Variants in PHF12 observed in about 807,000 individuals in gnomAD.
PHF12 encodes the protein PHD finger protein 12.
PHF12 carries 6 observed loss-of-function variants against 99.8 expected under a neutral mutation model. The observed-to-expected ratio is 0.06, with a 90% CI of 0.03 to 0.12. The LOEUF is 0.12. PHF12 is among the 10% of genes least tolerant of loss of function. The probability of loss-of-function intolerance (pLI) is 1.00; values close to 1 mark genes in which losing one functional copy is unlikely to be tolerated. For missense variants in PHF12, 954 were observed against 1,300.1 expected, an observed-to-expected ratio of 0.73 and a Z score of 4.09; for synonymous variants, 480 against 514.9, an observed-to-expected ratio of 0.93 and a Z score of 0.92.
Position 28,911,157 on chromosome 17 carries a change from C to T in PHF12, c.2170G>A (p.Val724Met), listed in dbSNP as rs745606155. The T allele has an allele frequency of 1.2e-6, 2 of 1,614,188 alleles. No homozygotes were observed. The highest frequency in any genetic ancestry group is 1.7e-6 in the Non-Finnish European group (2 of 1,180,028). Reference sequence around the variant, plus strand: ...GCTCGAAGTGAGTTGGTGAGGTCCACCATGGCAGTAGAGTTGGCTGGGAAA... The same window carrying T: ...GCTCGAAGTGAGTTGGTGAGGTCCATCATGGCAGTAGAGTTGGCTGGGAAA... ...PSFPANSTAM[V>M]DLTNSLRAFM... is the part of the protein sequence containing the mutation. Residue 724 changes from valine to methionine, a missense_variant, in exon 10 of 15, where the codon GTG becomes ATG. Transcript: ENST00000332830.
chr17:28,917,741 C>A (rs1280134099), intron 6 of PHF12, among the ~76,000 whole-genome samples: 1 of 152,216 alleles, frequency 6.6e-6, no homozygotes, highest in Non-Finnish European at 1.5e-5. Flanking sequence ...CGGCCTCTGA[C>A]AGTCTTCTGT....
chr17:28,907,747 C>G lies in PHF12; in HGVS notation c.2459-75G>C, dbSNP rs1036196250. 6 of 1,430,458 alleles carry G rather than the reference C, an allele frequency of 4.2e-6. No individual in the cohort carries two copies. In the African/African-American group the frequency reaches 8.4e-5, roughly 20 times the overall value. 88.6% of individuals were successfully genotyped at this position (1,430,458 alleles called of 1,614,324 possible). A position where few individuals can be genotyped will look rare whatever the true frequency, so the allele number is the denominator to read the frequency against. On this transcript the variant is annotated intron_variant, in intron 12 of 14. Transcript: ENST00000332830. Reference sequence around the variant, plus strand: ...AGGTGCATGTGTCGGGGAGGTAAGACAGGGAGAGAGTTAGCTTCTGGGTTG... The same window carrying G: ...AGGTGCATGTGTCGGGGAGGTAAGAGAGGGAGAGAGTTAGCTTCTGGGTTG...
Position 28,936,550 on chromosome 17 carries a change from T to C in PHF12, c.249-9487A>G, listed in dbSNP as rs545845923. On this transcript the variant is annotated intron_variant, in intron 2 of 14. Coordinates refer to ENST00000332830, the MANE Select transcript of PHF12 (RefSeq NM_001033561.2). ...TCTCTTCCAAAAGAGGTCAGTCACA[T>C]GAACTGGTAGGGTCTTTCTTGTCAG... is the stretch of plus-strand genomic sequence containing the variant. Among the ~76,000 whole-genome samples, 154 of 152,336 alleles carry C rather than the reference T, an allele frequency of 1.0e-3. 1 individual carries two copies. The highest frequency in any genetic ancestry group is 1.5e-3 in the Non-Finnish European group (103 of 68,018).
In PHF12 at chr17:28,906,222, G is replaced by A. The variant is rs1475864484; in HGVS notation, c.2976C>T (p.Pro992=). The part of the protein sequence containing the change: ...GVLAEKLSLK[P]HQGPVLRSNS... ...TGGAGCGCAGCACAGGGCCCTGGTGGGGCTTGAGAGAGAGCTTCTCGGCCA... is the reference window on the plus strand; with the variant it reads ...TGGAGCGCAGCACAGGGCCCTGGTGAGGCTTGAGAGAGAGCTTCTCGGCCA... The change falls in exon 15 of 15, where the codon CCC becomes CCT. Residue 992 remains proline, a synonymous_variant. Transcript: ENST00000332830. This position sits in a 1 kb window ranked among gnomAD's most constrained non-coding sequence, Gnocchi z 4.2. 1 of 1,610,394 alleles carries A rather than the reference G, an allele frequency of 6.2e-7. No individual in the cohort carries two copies. Among genetic ancestry groups the A allele is most frequent in the East Asian group, 2.2e-5 (1 of 44,778 alleles).
At chr17:28,938,263 C>T (rs1289997055) in intron 2 of PHF12, among the ~76,000 whole-genome samples, 1 of 152,138 alleles carries the variant, frequency 6.6e-6, no homozygotes, top group Non-Finnish European at 1.5e-5. Context: ...TGGAGTCTCA[C>T]TCTGTCATCC....
At chr17:28,942,817 A>C (rs1187793391) in intron 2 of PHF12, among the ~76,000 whole-genome samples, 1 of 151,996 alleles carries the variant, frequency 6.6e-6, no homozygotes, top group Non-Finnish European at 1.5e-5. Flanking sequence ...CTCTGTCCCA[A>C]AAAAATAATA....
chr17:28,939,440 A>G (rs1263559423), intron 2 of PHF12, among the ~76,000 whole-genome samples: 6 of 152,250 alleles, frequency 3.9e-5, no homozygotes, highest in Admixed American at 3.9e-4. Context: ...TCACAATTAT[A>G]ATGTATTCTG....
At chr17:28,938,939 T>C (rs1252419585) in intron 2 of PHF12, among the ~76,000 whole-genome samples, 1 of 152,246 alleles carries the variant, frequency 6.6e-6, no homozygotes, top group African/African-American at 2.4e-5. Context: ...AACCAAAGAA[T>C]GATCACCCTA....
In PHF12 at chr17:28,912,954, C is replaced by G; in HGVS notation, c.1617G>C (p.Gly539=). The part of the protein sequence containing the change: ...SKKTPCGTAN[G]PVNTEVKANG... ...TAGCTTTCACCTCTGTGTTCACTGG[C>G]CCATTGGCAGTCCCACAAGGGGTTT... The change falls in exon 9 of 15, where the codon GGG becomes GGC. Residue 539 remains glycine (G), a synonymous_variant. Transcript: ENST00000332830. 6.2e-7 allele frequency: 1 copy of G among 1,614,216 alleles called. No homozygotes were observed.
chr17:28,906,947 C>G lies in PHF12; in HGVS notation c.2589G>C (p.Thr863=). Residue 863 remains threonine (T), a synonymous_variant, in exon 14 of 15, where the codon ACG becomes ACC. Transcript: ENST00000332830. The surrounding 1 kb of genome is among the most constrained non-coding windows in gnomAD (Gnocchi z 4.2). ...CACATGAATACAGCACATTGTCCAC[C>G]GTTGTCCCATGCTCACTGTAGTTTA... ...ELLNYSEHGT[T]VDNVLYSCDF... The G allele has an allele frequency of 6.2e-7, 1 of 1,613,436 alleles. No homozygotes were observed. Among genetic ancestry groups the G allele is most frequent in the Non-Finnish European group, 8.5e-7 (1 of 1,179,686 alleles).
intron 7 of PHF12, among the ~76,000 whole-genome samples, chr17:28,914,613 A>C (rs2040027373): frequency 7.3e-6 from 1 of 137,136 alleles, no homozygotes; most frequent in Non-Finnish European, 1.5e-5. Flanking sequence ...CGGAGCTTGC[A>C]GTGAACCGAG....
At chr17:28,917,238 T>C (rs771582756) in intron 7 of PHF12, 47 bp downstream of exon 7, 3 of 1,611,100 alleles carry the variant, frequency 1.9e-6, no homozygotes, top group South Asian at 2.2e-5. Flanking sequence ...GTCTAACCCA[T>C]GATGGCAGGC....
chr17:28,950,824 G>A lies in PHF12; in HGVS notation c.66+71C>T. ...ATCTAGGCGCTTCGAGTTTAGGACT[G>A]GCTTTGTGGGGCGGAGGGCGGAGGT... On this transcript the variant is annotated intron_variant, in intron 1 of 14. Transcript: ENST00000332830. This position sits in a 1 kb window ranked among gnomAD's most constrained non-coding sequence, Gnocchi z 5.7. 6.3e-7 allele frequency: 1 copy of A among 1,596,916 alleles called. No individual in the cohort carries two copies.
rs17794670 is a variant in PHF12, at chr17:28,944,056, C to T, written c.248+6009G>A. 4.3e-3 allele frequency among the ~76,000 whole-genome samples: 652 copies of T among 152,280 alleles called. 9 individuals carry two copies. Among genetic ancestry groups the T allele is most frequent in the Non-Finnish European group, 4.2e-3 (289 of 68,018 alleles). On this transcript the variant is annotated intron_variant, in intron 2 of 14. Transcript: ENST00000332830. ...CATACTTGAACTTACCAAGAACATA[C>T]CAAGAACTTACAACAGACCAACATG...
intron 6 of PHF12, 148 bp from the exon 7 acceptor site, chr17:28,917,597 G>T: frequency 1.2e-6 from 1 of 821,152 alleles, no homozygotes. Flanking sequence ...CTCTTTGTCA[G>T]AGAGCAAGGG....
rs2040220044 is a variant in PHF12 at position 28,924,041 on chromosome 17, C to T, written c.583G>A (p.Val195Ile). The T allele has an allele frequency of 6.2e-7, 1 of 1,614,204 alleles. No individual in the cohort carries two copies. The highest frequency in any genetic ancestry group is 2.2e-5 in the East Asian group (1 of 44,878). ...TGCACATAGTCTGGCTCCGCTGCTA[C>T]TGGTTCCTCATCCACGTCAATGATG... ...EDIIDVDEEP[V>I]AAEPDYVQPQ... The change falls in exon 4 of 15, where the codon GTA (valine) becomes ATA (isoleucine). Residue 195 changes from valine (V) to isoleucine (I), a missense_variant. By Grantham distance (29) the Val-to-Ile change is conservative (BLOSUM62 3). This residue lies in a region of PHF12 where 109 missense variants were observed against 145.4 expected (regional missense o/e 0.75). Transcript: ENST00000332830.
At position 28,906,641 on chromosome 17, in the gene PHF12, G is replaced by A. The variant is rs1002210886; in HGVS notation, c.2681-124C>T. 9.5e-6 allele frequency: 12 copies of A among 1,263,802 alleles called. No homozygotes were observed. In the African/African-American group the frequency reaches 1.2e-4, roughly 13 times the overall value. 78.3% of individuals were successfully genotyped at this position (1,263,802 alleles called of 1,614,324 possible). ...TGCTGCATGACTAGGGAGGAAGGAT[G>A]CTCAGAAAGGGTTGGTGGAGTCTGA... On this transcript the variant is annotated intron_variant, in intron 14 of 14. Coordinates refer to ENST00000332830, the MANE Select transcript of PHF12 (RefSeq NM_001033561.2). The surrounding 1 kb of genome is among the most constrained non-coding windows in gnomAD (Gnocchi z 4.2).
At position 28,922,922 on chromosome 17, in the gene PHF12, AT is replaced by A. The variant is rs1247930719; in HGVS notation, c.715+986del. On this transcript the variant is annotated intron_variant, in intron 4 of 14. Transcript: ENST00000332830. Reference sequence around the variant, plus strand: ...TAGTGAGACCCTGTCTTTATAAAAAATATAAAAATTAGCTGAGTGTGGTGGT... The same window carrying A: ...TAGTGAGACCCTGTCTTTATAAAAAAATAAAAATTAGCTGAGTGTGGTGGT... Among the ~76,000 whole-genome samples the A allele has an allele frequency of 2.0e-5, 3 of 152,120 alleles. No homozygotes were observed. In the East Asian group the frequency reaches 5.8e-4, roughly 29 times the overall value.
chr17:28,913,800 A>G (rs1279250860), intron 8 of PHF12, 79 bp downstream of exon 8: 1 of 1,533,872 alleles, frequency 6.5e-7, no homozygotes, highest in Non-Finnish European at 8.8e-7. Context: ...TGAGAATGAC[A>G]CTGAGGCTAC....
Sources: allele counts gnomAD v4.1 joint callset (sites outside exome capture counted in the v4.1 genomes callset), GRCh38; gene constraint gnomAD v4.1.1; regional missense constraint gnomAD v4.1.1; non-coding constraint Gnocchi (gnomAD v3.1); transcripts MANE v1.5; gene names NCBI Gene and HGNC (gene_info 2026-07-23, HGNC 2026-07-21).